The following TMEM260 variants were observed in gnomAD, a reference collection of about 807,000 sequenced individuals.
TMEM260 encodes transmembrane protein 260, also known as protein O-mannosyl-transferase TMEM260.
In TMEM260, 82 loss-of-function variants were observed where a neutral mutation model predicts 88.9. The observed-to-expected ratio is 0.92, with a 90% CI of 0.77 to 1.11. The LOEUF is 1.11. Among genes scored for constraint, TMEM260 ranks in the 50% least tolerant of loss-of-function variants. TMEM260 has a pLI of 0.00. For synonymous variants in TMEM260, 314 were observed against 309.3 expected (o/e 1.02, Z -0.16); for missense variants, 902 against 853.4 (o/e 1.06, Z -0.71).
At chr14:56,660,077 A>T in the TMEM260 span, among the ~76,000 whole-genome samples, 1 of 152,244 alleles carries the variant, frequency 6.6e-6, no homozygotes, top group Non-Finnish European at 1.5e-5. Context: ...CCTAAAGCAG[A>T]TGCAGAGTGA....
chr14:56,606,107 G>A lies in TMEM260; in HGVS notation c.636+424G>A, dbSNP rs143727445. ...GTCAGCTCTCAACAAAACAGACATC[G>A]CTTCTATTGTGAACTAAATAATAAA... On this transcript the variant is annotated intron_variant, in intron 5 of 15. Coordinates refer to ENST00000261556, the MANE Select transcript of TMEM260 (RefSeq NM_017799.4). Among the ~76,000 whole-genome samples the A allele has an allele frequency of 1.9e-4, 29 of 152,096 alleles. 2 individuals are homozygous for A. The East Asian group carries it at 4.2e-3, about 22-fold the overall frequency.
chr14:56,580,491 TAATG>T (rs1238847320), intron 1 of TMEM260, among the ~76,000 whole-genome samples: 17 of 152,316 alleles, frequency 1.1e-4, no homozygotes, highest in African/African-American at 4.1e-4. Flanking sequence ...ATACACAAGT[TAATG>T]AATAAACAGC....
chr14:56,582,560 C>G (rs1885205816), intron 1 of TMEM260, among the ~76,000 whole-genome samples: 2 of 152,058 alleles, frequency 1.3e-5, no homozygotes, highest in South Asian at 4.1e-4. Context: ...GACAACAAAG[C>G]CGTGGTTCTC....
chr14:56,606,187 T>C (rs941666748), intron 5 of TMEM260, among the ~76,000 whole-genome samples: 1 of 152,212 alleles, frequency 6.6e-6, no homozygotes, highest in African/African-American at 2.4e-5. Flanking sequence ...TTAAAAATGA[T>C]TTATTGTTAT....
chr14:56,644,114 T>G (rs1889794116), intron 15 of TMEM260, among the ~76,000 whole-genome samples: 2 of 152,246 alleles, frequency 1.3e-5, no homozygotes, highest in South Asian at 4.2e-4. Context: ...GCCATCCCCA[T>G]CAAGCTACCA....
chr14:56,658,862 C>T, the TMEM260 span, among the ~76,000 whole-genome samples: 1 of 152,102 alleles, frequency 6.6e-6, no homozygotes, highest in Admixed American at 6.5e-5. Context: ...TCCCAAGTAG[C>T]TGGAATTACA....
chr14:56,589,870 G>T (rs148044641), intron 3 of TMEM260, among the ~76,000 whole-genome samples: 18 of 152,248 alleles, frequency 1.2e-4, no homozygotes, highest in African/African-American at 4.1e-4. Flanking sequence ...ATTCAATAAA[G>T]AATAGAAAAT....
chr14:56,647,199 T>A, intron 15 of TMEM260, 44 bp from the exon 16 acceptor site: 1 of 1,527,988 alleles, frequency 6.5e-7, no homozygotes, highest in Non-Finnish European at 8.8e-7. Context: ...AAAAAAAAAG[T>A]CAAAGAATAA....
chr14:56,625,255 T>C, intron 11 of TMEM260, 127 bp from the exon 12 acceptor site: 2 of 871,220 alleles, frequency 2.3e-6, no homozygotes, highest in East Asian at 2.7e-5. Flanking sequence ...GTTGTGCTTA[T>C]ATTTTTCAAT....
At chr14:56,660,363 A>T in the TMEM260 span, among the ~76,000 whole-genome samples, 2 of 152,226 alleles carry the variant, frequency 1.3e-5, no homozygotes, top group Non-Finnish European at 2.9e-5. Context: ...CCAATGCGCA[A>T]TGTTAAATTG....
intron 6 of TMEM260, 150 bp from the exon 7 acceptor site, chr14:56,612,095 T>C (rs1275073136): frequency 4.2e-6 from 3 of 707,796 alleles, no homozygotes; most frequent in African/African-American, 1.8e-5. Flanking sequence ...GCAGTTTACC[T>C]GTGTAACAAA....
intron 5 of TMEM260, among the ~76,000 whole-genome samples, chr14:56,605,992 AAC>A (rs1441948033): frequency 6.6e-6 from 1 of 152,168 alleles, no homozygotes; most frequent in Non-Finnish European, 1.5e-5. Context: ...TACATTCTAA[AAC>A]ACAGAGTGGT....
intron 9 of TMEM260, among the ~76,000 whole-genome samples, chr14:56,617,714 C>T (rs1016947617): frequency 4.6e-5 from 7 of 152,116 alleles, no homozygotes; most frequent in African/African-American, 1.7e-4. Context: ...TTTTCTTTGG[C>T]AGCAGTCTCT....
chr14:56,626,457 C>T (rs188570087), intron 12 of TMEM260, among the ~76,000 whole-genome samples: 2 of 152,250 alleles, frequency 1.3e-5, no homozygotes, highest in East Asian at 3.9e-4. Flanking sequence ...GTATTAGGCT[C>T]CAGCAGTAGA....
At chr14:56,647,117 T>A in intron 15 of TMEM260, 126 bp from the exon 16 acceptor site, 2 of 1,036,538 alleles carry the variant, frequency 1.9e-6, no homozygotes, top group African/African-American at 1.6e-5. Context: ...TAGCAATGAT[T>A]AGATTTTTAC....
chr14:56,650,814 A>G (rs1021060942), downstream of TMEM260, among the ~76,000 whole-genome samples: 1 of 152,184 alleles, frequency 6.6e-6, no homozygotes, highest in Non-Finnish European at 1.5e-5. Flanking sequence ...GTTCTCATCA[A>G]TATCCCTCAG....
chr14:56,614,722 C>T (rs1282925579), intron 7 of TMEM260, among the ~76,000 whole-genome samples: 2 of 147,778 alleles, frequency 1.4e-5, no homozygotes, highest in Non-Finnish European at 3.0e-5. Flanking sequence ...CTCACACCCA[C>T]ACTTCTGTGT....
chr14:56,655,084 T>C (rs1890277159), downstream of TMEM260, among the ~76,000 whole-genome samples: 1 of 152,116 alleles, frequency 6.6e-6, no homozygotes, highest in African/African-American at 2.4e-5. Flanking sequence ...CTTCATTTAC[T>C]CTCAGAATTA....
intron 15 of TMEM260, 27 bp downstream of exon 15, chr14:56,636,625 T>TA: frequency 6.3e-7 from 1 of 1,588,560 alleles, no homozygotes; most frequent in Non-Finnish European, 8.6e-7. Flanking sequence ...TATGTAGATA[T>TA]AGATATATTT....
Sources: allele counts gnomAD v4.1 joint callset (sites outside exome capture counted in the v4.1 genomes callset), GRCh38; gene constraint gnomAD v4.1.1; transcripts MANE v1.5; gene names NCBI Gene and HGNC (gene_info 2026-07-23, HGNC 2026-07-21).